The following SPAG16 variants were observed in gnomAD, a reference collection of about 807,000 sequenced individuals.
SPAG16 encodes sperm-associated antigen 16 protein.
Under a neutral mutation model 80.4 loss-of-function variants are expected in SPAG16, and 86 were observed. The ratio of observed to expected loss-of-function variants is 1.07; its 90% CI spans 0.90 to 1.28. The LOEUF (loss-of-function observed/expected upper bound fraction) is 1.28, where lower values mean the gene tolerates loss of function less well. Among genes scored for constraint, SPAG16 ranks in the 50% most tolerant of loss-of-function variants. SPAG16 has a pLI of 0.00. For missense variants in SPAG16, 870 were observed against 765.3 expected, an observed-to-expected ratio of 1.14 and a Z score of -1.61; for synonymous variants, 294 against 265.9, an observed-to-expected ratio of 1.11 and a Z score of -1.03.
intron 13 of SPAG16, among the ~76,000 whole-genome samples, chr2:214,071,031 C>T (rs566111247): frequency 2.6e-5 from 4 of 152,078 alleles, no homozygotes; most frequent in African/African-American, 9.6e-5. Context: ...TTATAAAAAT[C>T]GAGAAAATCT....
chr2:214,123,919 A>T (rs747663167), intron 14 of SPAG16, among the ~76,000 whole-genome samples: 5 of 152,048 alleles, frequency 3.3e-5, no homozygotes, highest in Non-Finnish European at 7.4e-5. Flanking sequence ...TAGATAACTG[A>T]TTGGTAATGT....
chr2:213,453,377 C>A (rs909274825), intron 9 of SPAG16, among the ~76,000 whole-genome samples: 3 of 152,158 alleles, frequency 2.0e-5, no homozygotes, highest in African/African-American at 7.2e-5. Flanking sequence ...AACTACTATT[C>A]TGCAGTGACA....
chr2:213,762,472 C>T (rs1356818991), intron 10 of SPAG16, among the ~76,000 whole-genome samples: 1 of 151,922 alleles, frequency 6.6e-6, no homozygotes, highest in Non-Finnish European at 1.5e-5. Flanking sequence ...AAAACAGAAC[C>T]TAGAAATAAA....
At chr2:213,972,808 A>G (rs369887478) in intron 12 of SPAG16, among the ~76,000 whole-genome samples, 3 of 152,282 alleles carry the variant, frequency 2.0e-5, no homozygotes, top group South Asian at 2.1e-4. Flanking sequence ...TATTTTAAAT[A>G]TAACCATATA....
chr2:213,552,917 T>C (rs994661780), intron 10 of SPAG16, among the ~76,000 whole-genome samples: 11 of 152,018 alleles, frequency 7.2e-5, no homozygotes, highest in Admixed American at 3.3e-4. Flanking sequence ...ATTCTTTGGC[T>C]TTTGGACTCT....
intron 10 of SPAG16, among the ~76,000 whole-genome samples, chr2:213,734,506 C>T (rs2067199112): frequency 6.6e-6 from 1 of 152,078 alleles, no homozygotes; most frequent in South Asian, 2.1e-4. Flanking sequence ...TATGGACATG[C>T]TCTTTGAAAA....
At chr2:213,342,361 T>TTACATATATATGTATATATATA (rs2064743657) in intron 6 of SPAG16, among the ~76,000 whole-genome samples, 1 of 134,788 alleles carries the variant, frequency 7.4e-6, no homozygotes, top group Non-Finnish European at 1.6e-5. Flanking sequence ...TATATATATA[T>TTACATATATATGTATATATATA]TACATATATA....
chr2:213,514,012 C>A (rs778191619), intron 10 of SPAG16, among the ~76,000 whole-genome samples: 4 of 151,866 alleles, frequency 2.6e-5, no homozygotes, highest in African/African-American at 7.3e-5. Flanking sequence ...GAGGAAGGAG[C>A]GGTAAATAGA....
intron 15 of SPAG16, among the ~76,000 whole-genome samples, chr2:214,275,211 C>T (rs1001252148): frequency 1.3e-5 from 2 of 152,040 alleles, no homozygotes; most frequent in Non-Finnish European, 2.9e-5. Context: ...GTCTTGCTAG[C>T]AGTCTATCAA....
In SPAG16 at chr2:213,915,317, C is replaced by G. The variant is rs576332629; in HGVS notation, c.1215-14643C>G. Among the ~76,000 whole-genome samples the G allele has an allele frequency of 4.0e-5, 6 of 151,190 alleles. No individual in the cohort carries two copies. In the South Asian group the frequency reaches 1.3e-3, roughly 32 times the overall value. ...TCAGCAGGCCCCAGTGTGTGATCTT[C>G]CCCTCCCTGCGTCCATGTGTTCTCA... On this transcript the variant is annotated intron_variant, in intron 11 of 15. Coordinates refer to ENST00000331683, the MANE Select transcript of SPAG16 (RefSeq NM_024532.5).
In SPAG16 at chr2:213,507,069, A is replaced by G. The variant is rs1341700419; in HGVS notation, c.1070+16979A>G. Among the ~76,000 whole-genome samples the G allele has an allele frequency of 2.0e-5, 3 of 152,228 alleles. No homozygotes were observed. The East Asian group carries it at 5.8e-4, about 29-fold the overall frequency. ...GACTAATCAAATTAAGTGCTACCCC[A>G]GAGTTGAAAACTGTTACCAGGGAGA... On this transcript the variant is annotated intron_variant, in intron 10 of 15. Transcript: ENST00000331683.
intron 13 of SPAG16, among the ~76,000 whole-genome samples, chr2:214,042,051 C>G (rs960417407): frequency 7.3e-6 from 1 of 137,044 alleles, no homozygotes; most frequent in African/African-American, 2.7e-5. Flanking sequence ...ATAAGTGTAC[C>G]AAAACCTATC....
intron 10 of SPAG16, among the ~76,000 whole-genome samples, chr2:213,861,368 A>G (rs1389699001): frequency 1.3e-5 from 2 of 152,216 alleles, no homozygotes; most frequent in Admixed American, 1.3e-4. Context: ...GTTGGTGTGG[A>G]CTAGAGCCAT....
chr2:213,393,502 G>T (rs192059461), intron 9 of SPAG16, among the ~76,000 whole-genome samples: 1 of 151,844 alleles, frequency 6.6e-6, no homozygotes, highest in African/African-American at 2.4e-5. Flanking sequence ...GGTGGCTCTA[G>T]GTCATTTCAC....
intron 10 of SPAG16, among the ~76,000 whole-genome samples, chr2:213,685,295 C>T (rs992165011): frequency 3.9e-5 from 6 of 152,140 alleles, no homozygotes; most frequent in East Asian, 1.9e-4. Flanking sequence ...CAATATGACG[C>T]GTGTTCTTGT....
chr2:213,915,493 G>A (rs2077914465), intron 11 of SPAG16, among the ~76,000 whole-genome samples: 1 of 152,160 alleles, frequency 6.6e-6, no homozygotes, highest in Admixed American at 6.5e-5. Context: ...ATTCCATGGT[G>A]TATATGTGCC....
At chr2:214,369,144 T>G (rs1422073110) in intron 15 of SPAG16, among the ~76,000 whole-genome samples, 1 of 152,128 alleles carries the variant, frequency 6.6e-6, no homozygotes, top group African/African-American at 2.4e-5. Flanking sequence ...ATTTTAGAAT[T>G]TAATGAATAT....
chr2:214,293,046 T>A (rs1559188624), intron 15 of SPAG16, among the ~76,000 whole-genome samples: 1 of 152,198 alleles, frequency 6.6e-6, no homozygotes, highest in Non-Finnish European at 1.5e-5. Flanking sequence ...GTGGTGGTAG[T>A]GGTGGGCTAA....
At chr2:214,012,281 TATA>T (rs1559689802) in intron 12 of SPAG16, among the ~76,000 whole-genome samples, 23 of 59,274 alleles carry the variant, frequency 3.9e-4, no homozygotes, top group African/African-American at 1.4e-3. Flanking sequence ...TATATATATA[TATA>T]TATATTTTTT....
Sources: gnomAD v4.1 joint callset for allele counts (sites outside exome capture counted in the v4.1 genomes callset) on GRCh38, gnomAD v4.1.1 for gene constraint, MANE v1.5 for transcripts, NCBI Gene and HGNC (gene_info 2026-07-23, HGNC 2026-07-21) for gene names.